Variants in GPC3 observed in about 807,000 individuals in gnomAD.
GPC3 encodes the protein glypican 3.
GPC3 carries 3 observed loss-of-function variants against 34.4 expected under a neutral mutation model. The ratio of observed to expected loss-of-function variants is 0.09; its 90% CI spans 0.04 to 0.23. The LOEUF (loss-of-function observed/expected upper bound fraction) is 0.23. GPC3 is among the 10% of genes least tolerant of loss of function. GPC3 has a pLI of 1.00. For missense variants in GPC3, 351 were observed against 445.6 expected (o/e 0.79, Z 1.91); for synonymous variants, 177 against 174.0 (o/e 1.02, Z -0.13).
chrX:133,820,718 C>T (rs1399218802), intron 2 of GPC3, among the ~76,000 whole-genome samples: 2 of 111,959 alleles, frequency 1.8e-5, no homozygotes, highest in East Asian at 5.6e-4. Flanking sequence ...GAACCTGATA[C>T]TCTCACGTAC....
At chrX:133,877,151 A>T (rs1381000205) in intron 2 of GPC3, among the ~76,000 whole-genome samples, 5 of 111,948 alleles carry the variant, frequency 4.5e-5, no homozygotes, top group Non-Finnish European at 7.5e-5. Flanking sequence ...CATATTGAAG[A>T]TATAAAAGAA....
intron 1 of GPC3, among the ~76,000 whole-genome samples, chrX:133,978,931 A>G (rs2076527333): frequency 8.9e-6 from 1 of 112,346 alleles, no homozygotes; most frequent in African/African-American, 3.2e-5. Flanking sequence ...AAGGCAGACA[A>G]AAAGGCCATG....
chrX:133,753,673 C>T lies in GPC3; in HGVS notation c.841G>A (p.Val281Ile). 1 of 1,211,371 alleles carries T rather than the reference C, an allele frequency of 8.3e-7. No individual in the cohort carries two copies. The highest frequency in any genetic ancestry group is 1.1e-6 in the Non-Finnish European group (1 of 894,961). The change falls in exon 3 of 8, where the codon GTC becomes ATC. Residue 281 changes from valine (V) to isoleucine (I), a missense_variant. Physicochemically the swap from Val to Ile is conservative, Grantham distance 29 (BLOSUM62 3). Transcript: ENST00000370818. ...ACACCTGCCATACAGCCTTGCATGA[C>T]CACATTGCAGTAACCGCCACAGGGT... is the stretch of plus-strand genomic sequence containing the variant. ...VKPCGGYCNV[V>I]MQGCMAGVVE...
intron 2 of GPC3, among the ~76,000 whole-genome samples, chrX:133,925,521 T>C (rs2076271209): frequency 8.9e-6 from 1 of 112,111 alleles, no homozygotes; most frequent in Admixed American, 9.5e-5. Context: ...ATGGCATAAA[T>C]GATGCACTGA....
At chrX:133,868,283 C>A (rs1474307762) in intron 2 of GPC3, among the ~76,000 whole-genome samples, 1 of 112,168 alleles carries the variant, frequency 8.9e-6, no homozygotes, top group African/African-American at 3.2e-5. Flanking sequence ...GCATGCTCCC[C>A]CTCCTGTCAG....
intron 2 of GPC3, among the ~76,000 whole-genome samples, chrX:133,871,529 C>T (rs1001809923): frequency 2.7e-5 from 3 of 112,023 alleles, no homozygotes; most frequent in Non-Finnish European, 3.8e-5. Context: ...TTATACTATC[C>T]TTTTCCTACA....
At chrX:133,791,473 T>C (rs73564989) in intron 2 of GPC3, among the ~76,000 whole-genome samples, 5,789 of 111,640 alleles carry the variant, frequency 0.052, 393 homozygotes, top group African/African-American at 0.18. Context: ...CCCCTGCTGA[T>C]CCAGGGTCTA....
rs142565746 is a variant in GPC3, at chrX:133,749,325, A to C, written c.1032+4157T>G. On this transcript the variant is annotated intron_variant, in intron 3 of 7. Transcript: ENST00000370818. ...TCTCTTCACACACCTTTGGTATTAG[A>C]ATCTCTGCAGGGGTGGACTCCAGGA... is the stretch of plus-strand genomic sequence containing the variant. Among the ~76,000 whole-genome samples the C allele has an allele frequency of 1.6e-4, 18 of 111,191 alleles. No individual in the cohort carries two copies. In the East Asian group the frequency reaches 2.9e-3, roughly 18 times the overall value.
At position 133,873,320 on chromosome X, in the gene GPC3, C is replaced by T. The variant is rs193266391; in HGVS notation, c.337+79730G>A. ...CATTCTTTTGCCAATGAACGATTAT[C>T]ACAGACAACTCTGCAGGTTTCCAGG... On this transcript the variant is annotated intron_variant, in intron 2 of 7. Coordinates refer to ENST00000370818, the MANE Select transcript of GPC3 (RefSeq NM_004484.4). Among the ~76,000 whole-genome samples the T allele has an allele frequency of 1.2e-4, 13 of 112,319 alleles. No homozygotes were observed. In the East Asian group the frequency reaches 3.6e-3, roughly 31 times the overall value.
chrX:133,689,543 G>A (rs1483395575), intron 5 of GPC3, among the ~76,000 whole-genome samples: 1 of 111,323 alleles, frequency 9.0e-6, no homozygotes, highest in Non-Finnish European at 1.9e-5. Flanking sequence ...ATAGGCCTAG[G>A]AATAAATTAT....
chrX:133,851,159 C>A (rs1007870970), intron 2 of GPC3, among the ~76,000 whole-genome samples: 1 of 111,596 alleles, frequency 9.0e-6, no homozygotes, highest in Non-Finnish European at 1.9e-5. Context: ...TCTAAATGAA[C>A]TATTCCAAAA....
chrX:133,955,537 A>T (rs2076412867), intron 1 of GPC3, among the ~76,000 whole-genome samples: 1 of 111,727 alleles, frequency 9.0e-6, no homozygotes, highest in Admixed American at 9.5e-5. Flanking sequence ...CAGAGAACCC[A>T]GTCTAACATA....
At chrX:133,579,072 G>A (rs1309062810) in intron 7 of GPC3, among the ~76,000 whole-genome samples, 1 of 111,266 alleles carries the variant, frequency 9.0e-6, no homozygotes, top group African/African-American at 3.3e-5. Flanking sequence ...GAACCACCGT[G>A]CTCTTTCTCA....
intron 2 of GPC3, among the ~76,000 whole-genome samples, chrX:133,923,455 A>G (rs1474639568): frequency 9.0e-6 from 1 of 111,226 alleles, no homozygotes; most frequent in East Asian, 2.8e-4. Flanking sequence ...CCCCACCCCC[A>G]TCCTGAAATA....
chrX:133,593,330 CAAAAAAAAAAAAAAAAAAAAAAGTA>C (rs1230495705), intron 7 of GPC3, among the ~76,000 whole-genome samples: 2 of 9,894 alleles, frequency 2.0e-4, no homozygotes, highest in Non-Finnish European at 4.0e-4. Context: ...GAGACTGTCT[CAAAAAAAAAAAAAAAAAAAAAAGTA>C]AAAAAAAAAA....
chrX:133,926,792 C>T (rs1185448956), intron 2 of GPC3, among the ~76,000 whole-genome samples: 3 of 108,728 alleles, frequency 2.8e-5, no homozygotes, highest in Admixed American at 9.9e-5. Context: ...CTCCGCCCCC[C>T]TGCCACCGCC....
chrX:133,864,924 A>C (rs1438716895), intron 2 of GPC3, among the ~76,000 whole-genome samples: 1 of 112,581 alleles, frequency 8.9e-6, no homozygotes, highest in Non-Finnish European at 1.9e-5. Flanking sequence ...ACAGATTACA[A>C]ACTTGCCAGT....
chrX:133,958,682 C>T (rs1196293358), intron 1 of GPC3, among the ~76,000 whole-genome samples: 1 of 105,382 alleles, frequency 9.5e-6, no homozygotes, highest in Non-Finnish European at 1.9e-5. Context: ...CAACGCCTGG[C>T]CAACATGGCG....
At chrX:133,724,874 C>G (rs1459399196) in intron 3 of GPC3, among the ~76,000 whole-genome samples, 1 of 112,045 alleles carries the variant, frequency 8.9e-6, no homozygotes, top group Non-Finnish European at 1.9e-5. Flanking sequence ...GAGCTTTGCT[C>G]TTTGTGCCAC....
Sources: allele counts gnomAD v4.1 joint callset (sites outside exome capture counted in the v4.1 genomes callset), GRCh38; gene constraint gnomAD v4.1.1; transcripts MANE v1.5; gene names NCBI Gene and HGNC (gene_info 2026-07-23, HGNC 2026-07-21).